The following RNF24 variants were observed in gnomAD, a reference collection of about 807,000 sequenced individuals.
RNF24 encodes the protein ring finger protein 24.
RNF24 carries 14 observed loss-of-function variants against 20.0 expected under a neutral mutation model. The observed-to-expected ratio is 0.70, with a 90% CI of 0.46 to 1.10. The LOEUF (loss-of-function observed/expected upper bound fraction) is 1.10, where lower values mean the gene tolerates loss of function less well. Ranked by LOEUF, RNF24 falls within the 50% of genes least tolerant of loss-of-function variation. The pLI is 0.00. For missense variants in RNF24, 124 were observed against 177.6 expected, an observed-to-expected ratio of 0.70 and a Z score of 1.71; for synonymous variants, 45 against 61.1, an observed-to-expected ratio of 0.74 and a Z score of 1.23.
In RNF24 at chr20:3,932,700, T is replaced by C; in HGVS notation, c.*1363A>G. 2.6e-6 allele frequency: 1 copy of C among 387,512 alleles called. No individual in the cohort carries two copies. 24.0% of individuals were successfully genotyped at this position (387,512 alleles called of 1,614,324 possible). A position where few individuals can be genotyped will look rare whatever the true frequency, so the allele number is the denominator to read the frequency against. On this transcript the variant is annotated 3_prime_UTR_variant, in exon 6 of 6. Transcript: ENST00000358395. ...TGTGGGATGGAGTGGAGCAAAGCAG[T>C]TGACGAGGAATTGAGGCAGGCGCTC... is the stretch of plus-strand genomic sequence containing the variant.
At chr20:3,974,526 A>T (rs1352753306) in intron 1 of RNF24, 1 of 979,744 alleles carries the variant, frequency 1.0e-6, no homozygotes, top group Non-Finnish European at 1.4e-6. Context: ...CTTCAAAAAA[A>T]TTTCTAAAAC....
intron 2 of RNF24, among the ~76,000 whole-genome samples, chr20:3,951,013 T>C (rs963900847): frequency 6.6e-6 from 1 of 152,216 alleles, no homozygotes; most frequent in Non-Finnish European, 1.5e-5. Flanking sequence ...TGGAGTGCAG[T>C]GGCATGATCT....
intron 1 of RNF24, among the ~76,000 whole-genome samples, chr20:4,014,769 ACACACACAT>A (rs1199214132): frequency 2.0e-5 from 3 of 151,656 alleles, no homozygotes; most frequent in Admixed American, 6.6e-5. Context: ...ACACACACAC[ACACACACAT>A]CATTAGGTCT....
rs1054440090 is a variant in RNF24, at chr20:3,930,031, T to C, written c.*4032A>G. On this transcript the variant is annotated 3_prime_UTR_variant, in exon 6 of 6. Coordinates refer to ENST00000358395, the MANE Select transcript of RNF24 (RefSeq NM_001134337.3). ...CATGAGTAGAAAAGGAGAAAAATTATATAGACACACATACACATGTGTGTA... is the reference window on the plus strand; with the variant it reads ...CATGAGTAGAAAAGGAGAAAAATTACATAGACACACATACACATGTGTGTA... The C allele has an allele frequency of 2.0e-5, 3 of 152,164 alleles. No homozygotes were observed. Among genetic ancestry groups the C allele is most frequent in the Non-Finnish European group, 2.9e-5 (2 of 68,036 alleles). 9.4% of individuals were successfully genotyped at this position (152,164 alleles called of 1,614,324 possible).
chr20:3,974,153 C>T (rs1274111959), intron 1 of RNF24, among the ~76,000 whole-genome samples: 3 of 149,394 alleles, frequency 2.0e-5, no homozygotes, highest in African/African-American at 4.9e-5. Flanking sequence ...AAAAAAAACA[C>T]ATTTCACAAA....
chr20:4,012,206 A>G (rs556632747), intron 1 of RNF24, among the ~76,000 whole-genome samples: 86 of 152,290 alleles, frequency 5.6e-4, no homozygotes, highest in African/African-American at 2.0e-3. Context: ...TGAGGCCAGG[A>G]GCTCAAGACC....
chr20:3,961,042 C>G (rs1446179585), intron 2 of RNF24, among the ~76,000 whole-genome samples: 2 of 152,114 alleles, frequency 1.3e-5, no homozygotes, highest in African/African-American at 4.8e-5. Context: ...ATCCGCCTGC[C>G]TTGGCCTCCC....
chr20:3,966,507 T>TGTGTGTG (rs60638000), intron 1 of RNF24, among the ~76,000 whole-genome samples: 4 of 145,318 alleles, frequency 2.8e-5, no homozygotes, highest in African/African-American at 5.1e-5. Context: ...TGTGTGTGTG[T>TGTGTGTG]TTGGGGAAAG....
chr20:3,988,114 C>T (rs144365655), intron 1 of RNF24, among the ~76,000 whole-genome samples: 66 of 152,098 alleles, frequency 4.3e-4, no homozygotes, highest in Non-Finnish European at 8.4e-4. Context: ...CTTAGGCCCA[C>T]GAGTTCAAGA....
intron 2 of RNF24, among the ~76,000 whole-genome samples, chr20:3,959,036 AT>A (rs2091173708): frequency 6.6e-6 from 1 of 151,940 alleles, no homozygotes; most frequent in Admixed American, 6.6e-5. Context: ...CCCTGGGCCC[AT>A]TTTATTTTAC....
chr20:3,929,034 A>AGG lies in RNF24; in HGVS notation c.*5027_*5028dup, dbSNP rs2090776858. On this transcript the variant is annotated 3_prime_UTR_variant, in exon 6 of 6. Transcript: ENST00000358395. ...CGGCAAATTTTTGTATTTTTAGTAGAGGGGGTTTCACCATATTGGTCAGGC... is the reference window on the plus strand; with the variant it reads ...CGGCAAATTTTTGTATTTTTAGTAGAGGGGGGGTTTCACCATATTGGTCAGGC... 6.6e-6 allele frequency: 1 copy of AGG among 151,938 alleles called. No individual in the cohort carries two copies. Among genetic ancestry groups the AGG allele is most frequent in the Non-Finnish European group, 1.5e-5 (1 of 68,044 alleles). The allele number at this position is 151,938 out of a possible 1,614,324, so 9.4% of individuals were successfully genotyped here.
intron 1 of RNF24, among the ~76,000 whole-genome samples, chr20:3,986,032 C>T (rs551233776): frequency 3.9e-5 from 6 of 152,006 alleles, no homozygotes; most frequent in Non-Finnish European, 1.5e-5. Context: ...GGATTACAAG[C>T]GTGAGCCACC....
intron 2 of RNF24, among the ~76,000 whole-genome samples, chr20:3,961,397 G>GAAA (rs376815191): frequency 1.6e-5 from 2 of 123,068 alleles, no homozygotes; most frequent in Non-Finnish European, 1.7e-5. Context: ...ACACTATCTT[G>GAAA]AAAAAAAAAA....
Position 3,934,078 on chromosome 20 carries a change from T to C in RNF24, c.432A>G (p.Ala144=). The change falls in exon 6 of 6, where the codon GCA becomes GCG. Residue 144 remains alanine, a synonymous_variant. Coordinates refer to ENST00000358395, the MANE Select transcript of RNF24 (RefSeq NM_001134337.3). The surrounding 1 kb of genome is among the most constrained non-coding windows in gnomAD (Gnocchi z 4.0). ...TTGCGGTAAGCTATACAATGTTCTC[T>C]GCCCCAGGAAGGGGCCCCTGAGGGG... The part of the protein sequence containing the change: ...RGPPQGPLPG[A]ENIV 6.6e-7 allele frequency: 1 copy of C among 1,505,358 alleles called. No homozygotes were observed. Among genetic ancestry groups the C allele is most frequent in the Non-Finnish European group, 8.9e-7 (1 of 1,129,720 alleles). 93.3% of individuals were successfully genotyped at this position (1,505,358 alleles called of 1,614,324 possible). A position where few individuals can be genotyped will look rare whatever the true frequency, so the allele number is the denominator to read the frequency against.
At chr20:3,936,459 G>A (rs1171125141) in intron 4 of RNF24, among the ~76,000 whole-genome samples, 1 of 152,218 alleles carries the variant, frequency 6.6e-6, no homozygotes, top group Non-Finnish European at 1.5e-5. Context: ...GTCTACCAAT[G>A]CCAGCTGTTT....
At chr20:4,009,965 C>A (rs987385267) in intron 1 of RNF24, among the ~76,000 whole-genome samples, 2 of 150,892 alleles carry the variant, frequency 1.3e-5, no homozygotes, top group Non-Finnish European at 1.5e-5. Flanking sequence ...GCAGGAGAAT[C>A]GCTTGAACCT....
At chr20:4,015,224 G>A (rs1412025586) in intron 1 of RNF24, 1 of 152,148 alleles carries the variant, frequency 6.6e-6, no homozygotes, top group Non-Finnish European at 1.5e-5. Context: ...GGCCGCGCCG[G>A]ACCCTCCTCC....
chr20:3,949,052 G>A (rs1376236699), intron 2 of RNF24, among the ~76,000 whole-genome samples: 2 of 152,278 alleles, frequency 1.3e-5, no homozygotes, highest in East Asian at 3.9e-4. Context: ...TTTCTGTTAA[G>A]TATATACCCG....
chr20:3,983,171 T>G (rs747787986), intron 1 of RNF24, among the ~76,000 whole-genome samples: 24 of 152,184 alleles, frequency 1.6e-4, no homozygotes, highest in Non-Finnish European at 2.9e-4. Flanking sequence ...AATTTCTCAG[T>G]CTGTAGTATT....
Sources: allele counts gnomAD v4.1 joint callset (sites outside exome capture counted in the v4.1 genomes callset), GRCh38; gene constraint gnomAD v4.1.1; non-coding constraint Gnocchi (gnomAD v3.1); transcripts MANE v1.5; gene names NCBI Gene and HGNC (gene_info 2026-07-23, HGNC 2026-07-21).